The following TRAK1 variants were observed in gnomAD, a reference collection of about 807,000 sequenced individuals.
The protein encoded by TRAK1 is trafficking kinesin-binding protein 1.
Under a neutral mutation model 92.1 loss-of-function variants are expected in TRAK1, and 33 were observed. The observed-to-expected ratio is 0.36, with a 90% confidence interval of 0.27 to 0.48. TRAK1 has a LOEUF of 0.48. Ranked by LOEUF, TRAK1 falls within the 20% of genes least tolerant of loss-of-function variation. The pLI is 0.99. For missense variants in TRAK1, 1,123 were observed against 1,257.9 expected, an observed-to-expected ratio of 0.89 and a Z score of 1.62; for synonymous variants, 521 against 517.3, an observed-to-expected ratio of 1.01 and a Z score of -0.10.
chr3:42,221,711 C>T (rs188849162), intron 15 of TRAK1: 1 of 152,330 alleles, frequency 6.6e-6, no homozygotes, highest in Non-Finnish European at 1.5e-5. Context: ...CAGGGCATGT[C>T]CCACGAGACT....
chr3:42,203,452 A>G, intron 13 of TRAK1: 1 of 982,942 alleles, frequency 1.0e-6, no homozygotes, highest in African/African-American at 1.8e-5. Context: ...AACTCATGGG[A>G]AAAACTTCCT....
intron 1 of TRAK1, among the ~76,000 whole-genome samples, chr3:42,017,871 T>C (rs1701582448): frequency 6.6e-6 from 1 of 152,172 alleles, no homozygotes; most frequent in South Asian, 2.1e-4. Flanking sequence ...TTTACAGTGC[T>C]GTTCCTTGCA....
chr3:42,179,520 C>G (rs565178815), intron 3 of TRAK1, among the ~76,000 whole-genome samples: 1 of 152,294 alleles, frequency 6.6e-6, no homozygotes, highest in South Asian at 2.1e-4. Flanking sequence ...GCCTCCTCCT[C>G]GGTTACAGAG....
In TRAK1 at chr3:42,210,595, C is replaced by T. The variant is rs573114783; in HGVS notation, c.1963+610C>T. Reference sequence around the variant, plus strand: ...AGAAGGTAAATGAGATCATCTGTTACCTGTACGCTGTATTAAAATAGAACC... The same window carrying T: ...AGAAGGTAAATGAGATCATCTGTTATCTGTACGCTGTATTAAAATAGAACC... On this transcript the variant is annotated intron_variant, in intron 14 of 15. Transcript: ENST00000327628. 3.8e-6 allele frequency: 4 copies of T among 1,042,098 alleles called. No individual in the cohort carries two copies. The African/African-American group carries it at 6.7e-5, about 18-fold the overall frequency. 64.6% of individuals were successfully genotyped at this position (1,042,098 alleles called of 1,614,324 possible). A position where few individuals can be genotyped will look rare whatever the true frequency, so the allele number is the denominator to read the frequency against.
intron 1 of TRAK1, among the ~76,000 whole-genome samples, chr3:42,119,255 G>A (rs763011595): frequency 2.0e-5 from 3 of 152,200 alleles, no homozygotes; most frequent in Non-Finnish European, 4.4e-5. Context: ...GAGGTTAAGG[G>A]AGGCTTTGCA....
intron 2 of TRAK1, among the ~76,000 whole-genome samples, chr3:42,148,205 G>C (rs531581145): frequency 6.6e-6 from 1 of 152,262 alleles, no homozygotes; most frequent in South Asian, 2.1e-4. Context: ...AGACATTTTT[G>C]GTTGTCACAT....
Position 42,223,330 on chromosome 3 carries a change from C to G in TRAK1, c.2455C>G (p.Leu819Val). The G allele has an allele frequency of 6.2e-7, 1 of 1,614,230 alleles. No homozygotes were observed. Among genetic ancestry groups the G allele is most frequent in the Non-Finnish European group, 8.5e-7 (1 of 1,180,040 alleles). The stretch of plus-strand genomic sequence containing the variant: ...GGCTTCCAAGCCAGCCAGCTCCATC[C>G]TGAGGGAAGTGAGAGAAAAGAACGT... ...FLASKPASSI[L>V]REVREKNVRS... The change falls in exon 16 of 16, where the codon CTG (leucine) becomes GTG (valine). Residue 819 changes from leucine (L) to valine (V), a missense_variant. Physicochemically the swap from Leu to Val is conservative, Grantham distance 32. Coordinates refer to ENST00000327628, the MANE Select transcript of TRAK1 (RefSeq NM_001042646.3). This position sits in a 1 kb window ranked among gnomAD's most constrained non-coding sequence, Gnocchi z 6.1.
rs79948485 is a variant in TRAK1, at chr3:42,203,309, C to T, written c.1744+557C>T. On this transcript the variant is annotated intron_variant, in intron 13 of 15. Transcript: ENST00000327628. ...TTTGGCAGATGCAGTATGTTCTGAG[C>T]GCGGCTCCTAGAGTCTACAATTTGG... The T allele has an allele frequency of 2.7e-5, 27 of 990,360 alleles. No individual in the cohort carries two copies. In the African/African-American group the frequency reaches 3.7e-4, roughly 13 times the overall value. The allele number at this position is 990,360 out of a possible 1,614,324, so 61.3% of individuals were successfully genotyped here.
chr3:42,023,754 T>TTG (rs1298877344), intron 1 of TRAK1, among the ~76,000 whole-genome samples: 3 of 136,852 alleles, frequency 2.2e-5, no homozygotes, highest in African/African-American at 8.3e-5. Context: ...GTTTTTTTTT[T>TTG]TTTTTTTTTT....
At chr3:42,049,620 T>C (rs1463515070) in intron 1 of TRAK1, among the ~76,000 whole-genome samples, 1 of 152,146 alleles carries the variant, frequency 6.6e-6, no homozygotes, top group Admixed American at 6.5e-5. Context: ...ATTGATCCTC[T>C]GTTTTTCTTC....
At chr3:42,144,831 A>T (rs1209395125) in intron 2 of TRAK1, among the ~76,000 whole-genome samples, 1 of 152,242 alleles carries the variant, frequency 6.6e-6, no homozygotes, top group Non-Finnish European at 1.5e-5. Flanking sequence ...AGAGATGGCT[A>T]GGATTTCAGT....
rs574692078 is a variant in TRAK1 at position 42,134,459 on chromosome 3, G to T, written c.286+8845G>T. Among the ~76,000 whole-genome samples the T allele has an allele frequency of 1.7e-3, 253 of 151,280 alleles. 1 individual carries two copies. Among genetic ancestry groups the T allele is most frequent in the Middle Eastern group, 6.8e-3 (2 of 292 alleles). The stretch of plus-strand genomic sequence containing the variant: ...TGCCCAGCTAGTTTTAAAATGTTTT[G>T]TAGAGACAAGGTTTCACCATGTTGC... On this transcript the variant is annotated intron_variant, in intron 2 of 15. Coordinates refer to ENST00000327628, the MANE Select transcript of TRAK1 (RefSeq NM_001042646.3).
rs761844281 is a variant in TRAK1 at position 42,223,453 on chromosome 3, C to T, written c.2578C>T (p.Arg860Ter). 1.1e-5 allele frequency: 18 copies of T among 1,613,976 alleles called. No homozygotes were observed. Among genetic ancestry groups the T allele is most frequent in the Admixed American group, 1.7e-5 (1 of 60,028 alleles). ...GGTGGCCAAAGTGGTGAACTCAGGG[C>T]GAGCCCATGTCCCCACCTTGACTGA... ...FGVAKVVNSG[R>*]AHVPTLTEEQ... Residue 860 changes from arginine to a stop codon, truncating the protein, a stop_gained, in exon 16 of 16, where the codon CGA becomes TGA. Transcript: ENST00000327628. LOFTEE classifies it high-confidence loss of function. The surrounding 1 kb of genome is among the most constrained non-coding windows in gnomAD (Gnocchi z 6.1).
intron 1 of TRAK1, among the ~76,000 whole-genome samples, chr3:42,096,538 G>A (rs1458257895): frequency 1.3e-5 from 2 of 152,256 alleles, no homozygotes; most frequent in South Asian, 2.1e-4. Flanking sequence ...ACAGGCGTGA[G>A]CCACCGCGCA....
At chr3:42,027,869 G>A (rs112161509) in intron 1 of TRAK1, among the ~76,000 whole-genome samples, 11,163 of 151,926 alleles carry the variant, frequency 0.073, 476 homozygotes, top group Middle Eastern at 0.2. Flanking sequence ...TTTTTTTTGA[G>A]ATGGAGTTTC....
chr3:42,049,323 A>T (rs1702890026), intron 1 of TRAK1, among the ~76,000 whole-genome samples: 2 of 120,624 alleles, frequency 1.7e-5, no homozygotes, highest in Non-Finnish European at 1.5e-5. Flanking sequence ...TTTTTATGTC[A>T]TTCATTTTTT....
chr3:42,172,396 C>T (rs1372548603), intron 2 of TRAK1, among the ~76,000 whole-genome samples: 3 of 152,178 alleles, frequency 2.0e-5, no homozygotes, highest in African/African-American at 7.2e-5. Flanking sequence ...ATTTACCTCC[C>T]ACTCAGTTTT....
At chr3:42,144,050 C>T (rs959987135) in intron 2 of TRAK1, among the ~76,000 whole-genome samples, 1 of 152,108 alleles carries the variant, frequency 6.6e-6, no homozygotes, top group Non-Finnish European at 1.5e-5. Flanking sequence ...GGACTTAATT[C>T]AAGCTGTGCT....
At chr3:42,059,157 C>T (rs762139774) in intron 1 of TRAK1, among the ~76,000 whole-genome samples, 7 of 151,818 alleles carry the variant, frequency 4.6e-5, no homozygotes, top group East Asian at 1.9e-4. Flanking sequence ...TGCAGTGGTG[C>T]GATCATGGCT....
Sources: allele counts gnomAD v4.1 joint callset (sites outside exome capture counted in the v4.1 genomes callset), GRCh38; gene constraint gnomAD v4.1.1; non-coding constraint Gnocchi (gnomAD v3.1); transcripts MANE v1.5; gene names NCBI Gene and HGNC (gene_info 2026-07-23, HGNC 2026-07-21).